SLC11A2: variants seen among roughly 807,000 people sequenced by gnomAD.
The protein encoded by SLC11A2 is natural resistance-associated macrophage protein 2.
SLC11A2 carries 38 observed loss-of-function variants against 68.0 expected under a neutral mutation model. The ratio of observed to expected loss-of-function variants is 0.56; its 90% CI spans 0.43 to 0.73. The LOEUF (loss-of-function observed/expected upper bound fraction) is 0.73, where lower values mean the gene tolerates loss of function less well. Ranked by LOEUF, SLC11A2 falls within the 30% of genes least tolerant of loss-of-function variation. The pLI, the probability that SLC11A2 is intolerant of heterozygous loss-of-function variation, is 0.00. For missense variants in SLC11A2, 517 were observed against 690.5 expected (o/e 0.75, Z 2.82); for synonymous variants, 242 against 250.6 (o/e 0.97, Z 0.32).
chr12:50,988,831 G>A (rs1462597702), intron 15 of SLC11A2, among the ~76,000 whole-genome samples: 1 of 151,906 alleles, frequency 6.6e-6, no homozygotes, highest in African/African-American at 2.4e-5. Flanking sequence ...TCTCTCCTCA[G>A]CCTCCTGAGT....
intron 1 of SLC11A2, among the ~76,000 whole-genome samples, chr12:51,023,237 A>C (rs573528552): frequency 6.6e-5 from 10 of 152,236 alleles, no homozygotes; most frequent in Non-Finnish European, 1.5e-4. Context: ...GCTTGAACCT[A>C]GGAGTTCAAG....
At chr12:50,981,614 T>C, downstream of SLC11A2, 1 of 744,244 alleles carries the variant, frequency 1.3e-6, no homozygotes, top group Non-Finnish European at 2.3e-6. Flanking sequence ...TTGCCTTTTG[T>C]TCAAAACGTC....
intron 5 of SLC11A2, among the ~76,000 whole-genome samples, chr12:51,000,891 C>T (rs1186774720): frequency 3.9e-5 from 6 of 151,956 alleles, no homozygotes; most frequent in South Asian, 4.2e-4. Context: ...TCAGGCTGGG[C>T]GCGGTGGCTC....
rs1944039131 is a variant in SLC11A2, at chr12:51,021,493, G to T, written c.-39+4817C>A. Among the ~76,000 whole-genome samples the T allele has an allele frequency of 3.3e-5, 5 of 152,066 alleles. No homozygotes were observed. The South Asian group carries it at 1.0e-3, about 31-fold the overall frequency. On this transcript the variant is annotated intron_variant, in intron 1 of 15. Coordinates refer to ENST00000262052, the MANE Select transcript of SLC11A2 (RefSeq NM_000617.3). ...ATACAATAATTAGCCAGGCAGTAGT[G>T]GCACGTGCCTGTAATCCCAGCTACT... is the stretch of plus-strand genomic sequence containing the variant.
At chr12:50,974,164 A>C in the SLC11A2 span, among the ~76,000 whole-genome samples, 1,293 of 152,302 alleles carry the variant, frequency 8.5e-3, 20 homozygotes, top group African/African-American at 0.029. Flanking sequence ...CCTCGAGAAG[A>C]GCAACTCCAA....
In SLC11A2 at chr12:50,991,638, G is replaced by A; in HGVS notation, c.1382C>T (p.Thr461Met). 3 of 1,613,928 alleles carry A rather than the reference G, an allele frequency of 1.9e-6. No individual in the cohort carries two copies. The highest frequency in any genetic ancestry group is 2.5e-6 in the Non-Finnish European group (3 of 1,179,930). ...GTCACTCATTACTGGCCGCAAGCTC[G>A]TAAATGTGAGGATGGGTATGAGAGC... ...PFALIPILTF[T>M]SLRPVMSDFA... The change falls in exon 14 of 16, where the codon ACG (threonine) becomes ATG (methionine). Residue 461 changes from threonine to methionine, a missense_variant. Physicochemically the swap from Thr to Met is moderately conservative, Grantham distance 81. Transcript: ENST00000262052.
downstream of SLC11A2, among the ~76,000 whole-genome samples, chr12:50,982,030 T>C (rs1403004641): frequency 1.3e-5 from 2 of 152,188 alleles, no homozygotes; most frequent in Non-Finnish European, 2.9e-5. Context: ...TGGTACCAAA[T>C]GTCCTTAGCA....
At position 50,990,926 on chromosome 12, in the gene SLC11A2, T is replaced by G. The variant is rs768766434; in HGVS notation, c.1444A>C (p.Ile482Leu). ...ATGGAACAGATGATAAGGACCAAGA[T>G]TCCTCCTGCAATCCGCCAGCCTCTG... The part of the protein sequence containing the change: ...NGLGWRIAGG[I>L]LVLIICSINM... The change falls in exon 15 of 16, where the codon ATC (isoleucine) becomes CTC (leucine). Residue 482 changes from isoleucine to leucine, a missense_variant. By Grantham distance (5) the Ile-to-Leu change is conservative (BLOSUM62 2). Coordinates refer to ENST00000262052, the MANE Select transcript of SLC11A2 (RefSeq NM_000617.3). The G allele has an allele frequency of 8.1e-6, 13 of 1,614,040 alleles. No homozygotes were observed. Among genetic ancestry groups the G allele is most frequent in the Non-Finnish European group, 8.5e-7 (1 of 1,179,962 alleles).
chr12:50,960,920 T>C, the SLC11A2 span: 1 of 1,458,514 alleles, frequency 6.9e-7, no homozygotes, highest in Non-Finnish European at 9.2e-7. Context: ...TCTCACACGA[T>C]GCTCCTGCCT....
At chr12:51,006,195 AG>A (rs1229170394) in intron 3 of SLC11A2, 1 of 161,492 alleles carries the variant, frequency 6.2e-6, no homozygotes, top group Non-Finnish European at 1.4e-5. Context: ...GCTACTCGGG[AG>A]GCTGAGGCAG....
In SLC11A2 at chr12:50,987,709, CTTT is replaced by C; in HGVS notation, c.*613_*615del. 1.6e-6 allele frequency: 2 copies of C among 1,287,122 alleles called. No homozygotes were observed. The highest frequency in any genetic ancestry group is 2.0e-6 in the Non-Finnish European group (2 of 988,648). 79.7% of individuals were successfully genotyped at this position (1,287,122 alleles called of 1,614,324 possible). On this transcript the variant is annotated 3_prime_UTR_variant, in exon 16 of 16. Transcript: ENST00000262052. Reference sequence around the variant, plus strand: ...TTGTTAGTTGTCAGTTTTTCCCCTTCTTTGTTTTCTCACCCCTCTTAACTTCCA... The same window carrying C: ...TTGTTAGTTGTCAGTTTTTCCCCTTCGTTTTCTCACCCCTCTTAACTTCCA...
At chr12:50,954,268 A>G in the SLC11A2 span, 2 of 468,438 alleles carry the variant, frequency 4.3e-6, no homozygotes, top group Non-Finnish European at 7.5e-6. Context: ...GTAAGCCCCC[A>G]GTAAATGTTA....
At chr12:51,009,406 C>A in intron 2 of SLC11A2, 1 of 757,866 alleles carries the variant, frequency 1.3e-6, no homozygotes, top group Non-Finnish European at 1.8e-6. Context: ...AAAAGGGATA[C>A]CCTGCCAGAA....
chr12:51,005,629 T>C, intron 3 of SLC11A2, 193 bp from the exon 4 acceptor site: 3 of 1,409,884 alleles, frequency 2.1e-6, no homozygotes, highest in Admixed American at 2.1e-5. Context: ...CACTTCTCTG[T>C]CCAAGTCAAA....
chr12:51,025,898 C>T, intron 1 of SLC11A2: 1 of 988,716 alleles, frequency 1.0e-6, no homozygotes, highest in Non-Finnish European at 1.2e-6. Flanking sequence ...CGGCCCCCTG[C>T]GGCGCCGACG....
chr12:50,953,897 CA>C, the SLC11A2 span: 1 of 650,296 alleles, frequency 1.5e-6, no homozygotes, highest in Non-Finnish European at 2.6e-6. Context: ...CAAATGAAAA[CA>C]AAAAAACACA....
At chr12:50,981,828 G>T (rs190491377), downstream of SLC11A2, 1,598 of 1,359,346 alleles carry the variant, frequency 1.2e-3, 1 homozygote, top group Non-Finnish European at 1.1e-3. Flanking sequence ...ATGGAAGAGG[G>T]TTAGACTGAT....
rs1268439871 is a variant in SLC11A2, at chr12:51,026,358, C to A, written c.-87G>T. ...ACACGCCGCCCCCGCGCCCAGGGCT[C>A]CATATTCCGGGAGCCAGCGCCACGC... is the stretch of plus-strand genomic sequence containing the variant. On this transcript the variant is annotated 5_prime_UTR_variant, in exon 1 of 16. The change creates a premature stop within an existing upstream ORF in the 5' untranslated region. Coordinates refer to ENST00000262052, the MANE Select transcript of SLC11A2 (RefSeq NM_000617.3). The A allele has an allele frequency of 2.3e-6, 3 of 1,282,544 alleles. No homozygotes were observed. Among genetic ancestry groups the A allele is most frequent in the Non-Finnish European group, 3.0e-6 (3 of 984,920 alleles). 79.4% of individuals were successfully genotyped at this position (1,282,544 alleles called of 1,614,324 possible).
At chr12:51,020,375 GAA>G (rs928567991) in intron 1 of SLC11A2, among the ~76,000 whole-genome samples, 1 of 150,560 alleles carries the variant, frequency 6.6e-6, no homozygotes, top group Non-Finnish European at 1.5e-5. Flanking sequence ...ATGATACACA[GAA>G]AAAAAAAGTC....
Sources: allele counts gnomAD v4.1 joint callset (sites outside exome capture counted in the v4.1 genomes callset), GRCh38; gene constraint gnomAD v4.1.1; transcripts MANE v1.5; gene names NCBI Gene and HGNC (gene_info 2026-07-23, HGNC 2026-07-21).